NOX4: variants seen among roughly 807,000 people sequenced by gnomAD.
NOX4 encodes the protein NADPH oxidase 4, also known as kidney oxidase-1.
In NOX4, 69 loss-of-function variants were observed where a neutral mutation model predicts 87.6. The ratio of observed to expected loss-of-function variants is 0.79; its 90% CI spans 0.65 to 0.96. NOX4 has a LOEUF of 0.96. Among genes scored for constraint, NOX4 ranks in the 40% least tolerant of loss-of-function variants. The pLI is 0.00. For missense variants in NOX4, 680 were observed against 681.5 expected (o/e 1.00, Z 0.02); for synonymous variants, 275 against 238.2 (o/e 1.15, Z -1.42).
chr11:89,537,614 G>C, the NOX4 span, among the ~76,000 whole-genome samples: 1 of 150,942 alleles, frequency 6.6e-6, no homozygotes, highest in Non-Finnish European at 1.5e-5. Context: ...GACACTCAGG[G>C]CCCCCCCGAG....
At chr11:89,484,798 C>T (rs772254309) in intron 2 of NOX4, among the ~76,000 whole-genome samples, 2 of 152,036 alleles carry the variant, frequency 1.3e-5, no homozygotes, top group Non-Finnish European at 2.9e-5. Context: ...GTCTAAATAA[C>T]AGAATGTTAA....
chr11:89,432,352 T>TA (rs932214106), intron 7 of NOX4, among the ~76,000 whole-genome samples: 3 of 151,348 alleles, frequency 2.0e-5, no homozygotes, highest in African/African-American at 4.9e-5. Context: ...AGTATAATAA[T>TA]AAAAAAATAA....
intron 8 of NOX4, among the ~76,000 whole-genome samples, chr11:89,415,816 A>C (rs906075374): frequency 6.6e-6 from 1 of 152,102 alleles, no homozygotes; most frequent in African/African-American, 2.4e-5. Context: ...CAGGTCATCT[A>C]TATCAGTGAC....
At chr11:89,422,288 G>T (rs1485959333) in intron 7 of NOX4, among the ~76,000 whole-genome samples, 1 of 152,118 alleles carries the variant, frequency 6.6e-6, no homozygotes, top group Admixed American at 6.6e-5. Context: ...ATAGTAGTCT[G>T]CTAATATGTA....
At chr11:89,483,254 G>C (rs752252829) in intron 2 of NOX4, among the ~76,000 whole-genome samples, 12 of 152,036 alleles carry the variant, frequency 7.9e-5, no homozygotes, top group Non-Finnish European at 1.5e-4. Flanking sequence ...TAAAATGGCT[G>C]ATTTTTGACT....
At chr11:89,345,639 G>A (rs1176539987) in intron 13 of NOX4, among the ~76,000 whole-genome samples, 4 of 151,878 alleles carry the variant, frequency 2.6e-5, no homozygotes, top group Admixed American at 2.0e-4. Flanking sequence ...TCATGTCTAC[G>A]TGTACCCAAT....
In NOX4 at chr11:89,394,466, A is replaced by G. The variant is rs1348628107; in HGVS notation, c.1074+5551T>C. ...GGTGAAGAAATGATTTTCAAAATAA[A>G]GTTGCCAACACAAGGGAAGGTTAAT... On this transcript the variant is annotated intron_variant, in intron 11 of 17. Coordinates refer to ENST00000263317, the MANE Select transcript of NOX4 (RefSeq NM_016931.5). 2.6e-5 allele frequency among the ~76,000 whole-genome samples: 4 copies of G among 152,212 alleles called. No homozygotes were observed. The South Asian group carries it at 6.2e-4, about 24-fold the overall frequency.
chr11:89,435,417 T>C (rs1178583667), intron 6 of NOX4, among the ~76,000 whole-genome samples: 1 of 152,106 alleles, frequency 6.6e-6, no homozygotes, highest in Non-Finnish European at 1.5e-5. Flanking sequence ...AAATGGAGTA[T>C]GTTTAGAATA....
intron 12 of NOX4, among the ~76,000 whole-genome samples, chr11:89,361,280 C>A (rs1473939487): frequency 5.3e-5 from 8 of 151,990 alleles, no homozygotes; most frequent in Non-Finnish European, 8.8e-5. Context: ...TAAAAAGGAA[C>A]AAAATAATGT....
intron 8 of NOX4, among the ~76,000 whole-genome samples, chr11:89,417,367 T>G (rs1942841713): frequency 6.6e-6 from 1 of 152,140 alleles, no homozygotes; most frequent in Non-Finnish European, 1.5e-5. Flanking sequence ...GAAATGGTTT[T>G]GTTTTGTTTT....
chr11:89,423,407 A>G (rs1943195917), intron 7 of NOX4, among the ~76,000 whole-genome samples: 1 of 152,164 alleles, frequency 6.6e-6, no homozygotes, highest in Admixed American at 6.6e-5. Flanking sequence ...TGTGTAATTT[A>G]GATAGACCTA....
intron 11 of NOX4, among the ~76,000 whole-genome samples, chr11:89,393,150 T>G (rs1487604100): frequency 2.0e-5 from 3 of 152,124 alleles, no homozygotes; most frequent in African/African-American, 7.2e-5. Flanking sequence ...GGAGACACTT[T>G]TGGAAGTCAC....
intron 2 of NOX4, among the ~76,000 whole-genome samples, chr11:89,459,703 A>G: frequency 6.6e-6 from 1 of 152,158 alleles, no homozygotes. Context: ...ATGGGTAGGA[A>G]GAATCAATAT....
At chr11:89,418,422 G>GAAGAATAAT (rs369936001) in intron 8 of NOX4, among the ~76,000 whole-genome samples, 7 of 139,752 alleles carry the variant, frequency 5.0e-5, no homozygotes, top group African/African-American at 1.3e-4. Context: ...TGAACATTGA[G>GAAGAATAAT]AATAATAATA....
intron 15 of NOX4, among the ~76,000 whole-genome samples, chr11:89,339,162 T>C (rs534790074): frequency 5.5e-4 from 84 of 152,242 alleles, no homozygotes; most frequent in South Asian, 2.3e-3. Flanking sequence ...CAGCATTCTT[T>C]GTAATAAAAA....
chr11:89,573,715 G>GTA, the NOX4 span, among the ~76,000 whole-genome samples: 1 of 152,044 alleles, frequency 6.6e-6, no homozygotes, highest in African/African-American at 2.4e-5. Flanking sequence ...CTTTAGAACA[G>GTA]GAAAAAAAGG....
the NOX4 span, among the ~76,000 whole-genome samples, chr11:89,506,235 A>AAGAG: frequency 5.1e-3 from 755 of 149,292 alleles, 7 homozygotes; most frequent in African/African-American, 0.017. Context: ...GAAAGAAAGA[A>AAGAG]AGAGAGAGAG....
At chr11:89,333,362 AT>A (rs1274066999) in intron 17 of NOX4, among the ~76,000 whole-genome samples, 12 of 151,950 alleles carry the variant, frequency 7.9e-5, no homozygotes, top group African/African-American at 2.6e-4. Flanking sequence ...TAAGGTTTTG[AT>A]TTTAAATATA....
chr11:89,561,045 TCATA>T, the NOX4 span, among the ~76,000 whole-genome samples: 5 of 37,520 alleles, frequency 1.3e-4, no homozygotes, highest in South Asian at 9.0e-4. Flanking sequence ...TACACATATA[TCATA>T]CATATATATA....
Sources: allele counts gnomAD v4.1 joint callset (sites outside exome capture counted in the v4.1 genomes callset), GRCh38; gene constraint gnomAD v4.1.1; transcripts MANE v1.5; gene names NCBI Gene and HGNC (gene_info 2026-07-23, HGNC 2026-07-21).